Variants in MUCL1 observed in about 807,000 individuals in gnomAD.
MUCL1 encodes the protein mucin-like protein 1.
MUCL1 carries 11 observed loss-of-function variants against 9.2 expected under a neutral mutation model. The observed-to-expected ratio is 1.19, with a 90% CI of 0.75 to 1.97. The LOEUF is 1.97. Among genes scored for constraint, MUCL1 ranks in the 30% most tolerant of loss-of-function variants. MUCL1 has a pLI of 0.00. For missense variants in MUCL1, 144 were observed against 110.9 expected (o/e 1.30, Z -1.34); for synonymous variants, 48 against 40.5 (o/e 1.19, Z -0.71).
upstream of MUCL1, among the ~76,000 whole-genome samples, chr12:54,837,402 C>T (rs1452667453): frequency 1.3e-5 from 2 of 152,006 alleles, no homozygotes; most frequent in East Asian, 3.9e-4. Context: ...ATAAGAATAG[C>T]TACTCCTGCT....
At chr12:54,847,609 C>T (rs1240673868) in intron 1 of MUCL1, among the ~76,000 whole-genome samples, 1 of 152,034 alleles carries the variant, frequency 6.6e-6, no homozygotes, top group African/African-American at 2.4e-5. Flanking sequence ...GAGTGAAACT[C>T]CATTTCAACA....
At chr12:54,843,440 G>T (rs1959222642) in intron 1 of MUCL1, among the ~76,000 whole-genome samples, 1 of 152,152 alleles carries the variant, frequency 6.6e-6, no homozygotes, top group Non-Finnish European at 1.5e-5. Context: ...CCCCAAAGAT[G>T]GTCCACATTT....
chr12:54,831,465 C>G (rs915556111), intron 1 of MUCL1, among the ~76,000 whole-genome samples: 1 of 151,930 alleles, frequency 6.6e-6, no homozygotes, highest in Non-Finnish European at 1.5e-5. Context: ...CATTTATATT[C>G]TACTTGGGTT....
chr12:54,854,579 C>T lies in MUCL1; in HGVS notation c.-4C>T. 1 of 1,612,238 alleles carries T rather than the reference C, an allele frequency of 6.2e-7. No homozygotes were observed. The highest frequency in any genetic ancestry group is 1.1e-5 in the South Asian group (1 of 90,962). ...CTGTGCTCCCTGATCTTCAGGTCACCACCATGAAGTTCTTAGCAGTCCTGG... is the reference window on the plus strand; with the variant it reads ...CTGTGCTCCCTGATCTTCAGGTCACTACCATGAAGTTCTTAGCAGTCCTGG... On this transcript the variant is annotated 5_prime_UTR_variant, in exon 1 of 4. Transcript: ENST00000308796.
At chr12:54,848,774 T>C (rs192051244) in intron 1 of MUCL1, among the ~76,000 whole-genome samples, 1 of 152,180 alleles carries the variant, frequency 6.6e-6, no homozygotes. Flanking sequence ...CTTTACTACT[T>C]GCAGAAATGG....
intron 1 of MUCL1, among the ~76,000 whole-genome samples, chr12:54,845,005 G>A (rs1053518733): frequency 2.0e-5 from 3 of 152,090 alleles, no homozygotes; most frequent in Non-Finnish European, 4.4e-5. Flanking sequence ...GCACACTTGG[G>A]GACTAATTAA....
chr12:54,841,513 T>G (rs933108305), intron 1 of MUCL1, among the ~76,000 whole-genome samples: 10 of 152,234 alleles, frequency 6.6e-5, no homozygotes, highest in Non-Finnish European at 1.2e-4. Context: ...TGCCGTACTT[T>G]GTCTTTTCAA....
intron 2 of MUCL1, among the ~76,000 whole-genome samples, chr12:54,856,115 A>AT (rs35639380): frequency 1.3e-5 from 2 of 151,912 alleles, no homozygotes; most frequent in African/African-American, 2.4e-5. Context: ...TTAATGGGGA[A>AT]TTTTTTTACT....
intron 1 of MUCL1, among the ~76,000 whole-genome samples, chr12:54,840,702 A>T (rs1272245446): frequency 1.3e-5 from 2 of 152,200 alleles, no homozygotes; most frequent in African/African-American, 4.8e-5. Context: ...CAGTGACTCC[A>T]GTGGGGATTG....
At position 54,855,139 on chromosome 12, in the gene MUCL1, G is replaced by T. The variant is rs755254130; in HGVS notation, c.82G>T (p.Ala28Ser). Residue 28 changes from alanine to serine, a missense_variant, in exon 2 of 4, where the codon GCT (alanine) becomes TCT (serine). Coordinates refer to ENST00000308796, the MANE Select transcript of MUCL1 (RefSeq NM_058173.3). ...SAQNPTTAAP[A>S]DTYPATGPAD... ...AGAGAATCCGACAACAGCTGCTCCA[G>T]CTGACACGTATCCAGCTAGTGAGTC... The T allele has an allele frequency of 1.2e-6, 2 of 1,613,188 alleles. No individual in the cohort carries two copies. Among genetic ancestry groups the T allele is most frequent in the Non-Finnish European group, 1.7e-6 (2 of 1,179,630 alleles).
chr12:54,843,688 G>C (rs952149026), intron 1 of MUCL1, among the ~76,000 whole-genome samples: 1 of 152,152 alleles, frequency 6.6e-6, no homozygotes, highest in South Asian at 2.1e-4. Flanking sequence ...TCTGAGCTTA[G>C]AAAGGGCCCA....
chr12:54,856,481 C>T (rs192437408), intron 2 of MUCL1, among the ~76,000 whole-genome samples: 112 of 152,298 alleles, frequency 7.4e-4, no homozygotes, highest in African/African-American at 2.6e-3. Flanking sequence ...TAGGAACACT[C>T]GTGGCCTTGG....
upstream of MUCL1, among the ~76,000 whole-genome samples, chr12:54,850,694 C>G (rs1959325651): frequency 6.6e-6 from 1 of 152,130 alleles, no homozygotes; most frequent in Non-Finnish European, 1.5e-5. Flanking sequence ...ATGGCTGGGT[C>G]AAATGGTATT....
intron 1 of MUCL1, 109 bp downstream of exon 1, chr12:54,854,749 T>A: frequency 1.1e-6 from 1 of 901,164 alleles, no homozygotes; most frequent in South Asian, 1.6e-5. Context: ...TTACCTCTCC[T>A]AACTTGTTCT....
intron 2 of MUCL1, among the ~76,000 whole-genome samples, chr12:54,855,671 C>T (rs1425733389): frequency 6.6e-6 from 1 of 152,142 alleles, no homozygotes; most frequent in African/African-American, 2.4e-5. Context: ...TGTTTGTTTC[C>T]CTTCTCTAAC....
At chr12:54,858,107 T>G in intron 3 of MUCL1, 86 bp from the exon 4 acceptor site, 6 of 1,500,226 alleles carry the variant, frequency 4.0e-6, no homozygotes, top group Admixed American at 1.7e-5. Flanking sequence ...CATTTGACAC[T>G]TGTTAGTTCC....
At chr12:54,854,992 C>A (rs1868288420) in intron 1 of MUCL1, 124 bp from the exon 2 acceptor site, 3 of 782,254 alleles carry the variant, frequency 3.8e-6, no homozygotes, top group Non-Finnish European at 6.5e-6. Context: ...TCTTCCTCAA[C>A]TGGTACACCA....
At chr12:54,835,021 T>A (rs1959190588), upstream of MUCL1, among the ~76,000 whole-genome samples, 1 of 152,162 alleles carries the variant, frequency 6.6e-6, no homozygotes, top group Non-Finnish European at 1.5e-5. Flanking sequence ...ATTCCTGAGT[T>A]ACTTCACTTA....
chr12:54,846,290 G>A (rs1959253286), intron 1 of MUCL1, among the ~76,000 whole-genome samples: 1 of 152,118 alleles, frequency 6.6e-6, no homozygotes, highest in Non-Finnish European at 1.5e-5. Flanking sequence ...GCTGCCATGG[G>A]GCTAGATCCC....
Sources: allele counts gnomAD v4.1 joint callset (sites outside exome capture counted in the v4.1 genomes callset), GRCh38; gene constraint gnomAD v4.1.1; transcripts MANE v1.5; gene names NCBI Gene and HGNC (gene_info 2026-07-23, HGNC 2026-07-21).